PTPRN2: variants seen among roughly 807,000 people sequenced by gnomAD.
PTPRN2 encodes the protein receptor-type tyrosine-protein phosphatase N2.
Under a neutral mutation model 118.8 loss-of-function variants are expected in PTPRN2, and 74 were observed. The ratio of observed to expected loss-of-function variants is 0.62; its 90% CI spans 0.52 to 0.76. The LOEUF (loss-of-function observed/expected upper bound fraction) is 0.76, where lower values mean the gene tolerates loss of function less well. Ranked by LOEUF, PTPRN2 falls within the 30% of genes least tolerant of loss-of-function variation. The pLI is 0.00. For synonymous variants in PTPRN2, 641 were observed against 608.0 expected (o/e 1.05, Z -0.80); for missense variants, 1,481 against 1,394.4 (o/e 1.06, Z -0.99).
intron 1 of PTPRN2, among the ~76,000 whole-genome samples, chr7:158,504,574 T>C (rs1289955199): frequency 6.6e-6 from 1 of 152,252 alleles, no homozygotes; most frequent in African/African-American, 2.4e-5. Flanking sequence ...TGTACGTATG[T>C]ACCACACTTT....
At chr7:158,070,628 C>CTGGTGGTGGAGGTGCCCA (rs1811234393) in intron 11 of PTPRN2, among the ~76,000 whole-genome samples, 3 of 91,046 alleles carry the variant, frequency 3.3e-5, no homozygotes, top group African/African-American at 5.3e-5. Flanking sequence ...GGAGGTGCCC[C>CTGGTGGTGGAGGTGCCCA]TGGTGGTGGA....
rs1054725953 is a variant in PTPRN2, at chr7:158,098,490, G to A, written c.1643+12339C>T. 3.9e-5 allele frequency among the ~76,000 whole-genome samples: 6 copies of A among 152,216 alleles called. 1 individual carries two copies. The highest frequency in any genetic ancestry group is 4.1e-4 in the South Asian group (2 of 4,836). On this transcript the variant is annotated intron_variant, in intron 10 of 22. Transcript: ENST00000389418. Reference sequence around the variant, plus strand: ...AAGCCCAGCCCTGCTCCCGGAATGCGGAGAAGCCGTCCGTGCTCAGAATCC... The same window carrying A: ...AAGCCCAGCCCTGCTCCCGGAATGCAGAGAAGCCGTCCGTGCTCAGAATCC...
At chr7:158,484,984 G>A (rs1820900995) in intron 2 of PTPRN2, among the ~76,000 whole-genome samples, 1 of 152,146 alleles carries the variant, frequency 6.6e-6, no homozygotes, top group Non-Finnish European at 1.5e-5. Flanking sequence ...AGCCACGAGC[G>A]CAAGGGCACC....
Position 158,192,399 on chromosome 7 carries a change from C to T in PTPRN2, c.477G>A (p.Glu159=). 6.5e-7 allele frequency: 1 copy of T among 1,534,750 alleles called. No homozygotes were observed. Among genetic ancestry groups the T allele is most frequent in the Non-Finnish European group, 8.7e-7 (1 of 1,151,688 alleles). Residue 159 remains glutamate (E), a synonymous_variant, in exon 5 of 23, where the codon GAG becomes GAA. Coordinates refer to ENST00000389418, the MANE Select transcript of PTPRN2 (RefSeq NM_002847.5). ...CTGAGGCTGGGGCCTGGGACAGGGC[C>T]TCCAGGAAGGGCAGGTGGCGTCGGA... ...NALRRHLPFL[E]ALSQAPASDV... is the part of the protein sequence containing the mutation.
Position 158,317,456 on chromosome 7 carries a change from C to T in PTPRN2, c.164-524G>A, listed in dbSNP as rs1010296514. ...CGGCGCAGGAGAGGCGCGGGGCTGG[C>T]GAACGGTGTGGGACTAATGGGGACT... On this transcript the variant is annotated intron_variant, in intron 2 of 22. Coordinates refer to ENST00000389418, the MANE Select transcript of PTPRN2 (RefSeq NM_002847.5). Among the ~76,000 whole-genome samples the T allele has an allele frequency of 3.3e-5, 5 of 152,214 alleles. No individual in the cohort carries two copies. In the East Asian group the frequency reaches 7.7e-4, roughly 23 times the overall value.
At chr7:157,850,295 C>G (rs1012445024) in intron 12 of PTPRN2, among the ~76,000 whole-genome samples, 2 of 146,218 alleles carry the variant, frequency 1.4e-5, no homozygotes, top group Admixed American at 1.4e-4. Flanking sequence ...CTCAGGCTCG[C>G]GTAAGGGATC....
At chr7:158,309,295 A>G (rs1801524220) in intron 3 of PTPRN2, among the ~76,000 whole-genome samples, 1 of 152,242 alleles carries the variant, frequency 6.6e-6, no homozygotes, top group South Asian at 2.1e-4. Flanking sequence ...AGCTTCCAGC[A>G]TGGCCAGAAT....
chr7:158,338,640 T>C (rs1806146969), intron 2 of PTPRN2, among the ~76,000 whole-genome samples: 1 of 60,962 alleles, frequency 1.6e-5, no homozygotes, highest in Non-Finnish European at 2.8e-5. Flanking sequence ...ACTCTCACCA[T>C]AAAAGCTGAT....
intron 3 of PTPRN2, among the ~76,000 whole-genome samples, chr7:158,270,770 G>GGACCACCCCCTCACCTGGACCACCCC: frequency 1.3e-5 from 1 of 78,614 alleles, no homozygotes; most frequent in Admixed American, 1.3e-4. Context: ...GGACCACCCC[G>GGACCACCCCCTCACCTGGACCACCCC]TCCACCTGGA....
chr7:158,234,655 T>C (rs1347496884), intron 3 of PTPRN2, among the ~76,000 whole-genome samples: 2 of 151,980 alleles, frequency 1.3e-5, no homozygotes, highest in African/African-American at 2.4e-5. Flanking sequence ...ATATAGGTGG[T>C]AAACAGATAT....
chr7:158,158,366 C>A (rs987672866), intron 6 of PTPRN2, among the ~76,000 whole-genome samples: 2 of 152,248 alleles, frequency 1.3e-5, no homozygotes, highest in African/African-American at 4.8e-5. Flanking sequence ...GGGATTCCCA[C>A]CACCAACACG....
At chr7:158,548,202 G>A (rs1439725757) in intron 1 of PTPRN2, among the ~76,000 whole-genome samples, 1 of 152,222 alleles carries the variant, frequency 6.6e-6, no homozygotes, top group Non-Finnish European at 1.5e-5. Flanking sequence ...CTGTCACAAT[G>A]TAAGGTCATC....
At chr7:158,057,527 A>G (rs896739693) in intron 11 of PTPRN2, among the ~76,000 whole-genome samples, 1 of 152,178 alleles carries the variant, frequency 6.6e-6, no homozygotes, top group African/African-American at 2.4e-5. Context: ...AGAGTTCTGG[A>G]TTCTTTCCTA....
intron 14 of PTPRN2, among the ~76,000 whole-genome samples, chr7:157,648,909 C>A (rs1805376789): frequency 6.8e-6 from 1 of 146,282 alleles, no homozygotes; most frequent in Non-Finnish European, 1.5e-5. Context: ...GTGGGTTGGA[C>A]CCTTTCACTG....
chr7:158,244,727 AGTGTG>A (rs1563028969), intron 3 of PTPRN2, among the ~76,000 whole-genome samples: 2 of 150,918 alleles, frequency 1.3e-5, no homozygotes, highest in East Asian at 3.9e-4. Flanking sequence ...TTAGAGTGAA[AGTGTG>A]TGTGTGTGTG....
chr7:158,269,093 C>T (rs1181561742), intron 3 of PTPRN2, among the ~76,000 whole-genome samples: 2 of 152,190 alleles, frequency 1.3e-5, no homozygotes, highest in African/African-American at 2.4e-5. Context: ...ACAGGAGGAG[C>T]TCCAAGGCCC....
chr7:158,443,063 C>CA (rs1163332186), intron 2 of PTPRN2, among the ~76,000 whole-genome samples: 1 of 136,168 alleles, frequency 7.3e-6, no homozygotes, highest in African/African-American at 2.8e-5. Context: ...AAAAAAAAAG[C>CA]AAAAAAACAC....
intron 6 of PTPRN2, 52 bp from the exon 7 acceptor site, chr7:158,138,567 G>T (rs779713748): frequency 6.4e-6 from 10 of 1,554,422 alleles, no homozygotes; most frequent in South Asian, 1.1e-5. Context: ...GAATGCAAAG[G>T]TGAGGGCCTC....
At chr7:157,636,103 C>T (rs1804302580) in intron 14 of PTPRN2, among the ~76,000 whole-genome samples, 1 of 152,202 alleles carries the variant, frequency 6.6e-6, no homozygotes, top group Admixed American at 6.5e-5. Context: ...TGCTAATCCC[C>T]TTTCATTTAA....
Sources: allele counts gnomAD v4.1 joint callset (sites outside exome capture counted in the v4.1 genomes callset), GRCh38; gene constraint gnomAD v4.1.1; transcripts MANE v1.5; gene names NCBI Gene and HGNC (gene_info 2026-07-23, HGNC 2026-07-21).